Variants in RIMS2 observed in about 807,000 individuals in gnomAD.
RIMS2 encodes the protein regulating synaptic membrane exocytosis 2.
In RIMS2, 59 loss-of-function variants were observed where a neutral mutation model predicts 174.4. The ratio of observed to expected loss-of-function variants is 0.34; its 90% CI spans 0.27 to 0.42. The LOEUF is 0.42. RIMS2 is among the 10% of genes least tolerant of loss of function. RIMS2 has a pLI of 1.00. For synonymous variants in RIMS2, 606 were observed against 572.5 expected (o/e 1.06, Z -0.84); for missense variants, 1,620 against 1,666.3 (o/e 0.97, Z 0.48).
intron 19 of RIMS2, among the ~76,000 whole-genome samples, chr8:104,028,090 T>G (rs1245459827): frequency 6.6e-6 from 1 of 151,528 alleles, no homozygotes; most frequent in Non-Finnish European, 1.5e-5. Flanking sequence ...CCACTATGCC[T>G]GGCTAATTTT....
intron 19 of RIMS2, among the ~76,000 whole-genome samples, chr8:104,195,514 CTTT>C (rs34923122): frequency 2.2e-4 from 25 of 111,754 alleles, no homozygotes; most frequent in Admixed American, 1.7e-4. Flanking sequence ...ATTTTATCTC[CTTT>C]TTTTTTTTTT....
At chr8:104,100,499 C>T (rs554796217) in intron 19 of RIMS2, among the ~76,000 whole-genome samples, 4 of 152,116 alleles carry the variant, frequency 2.6e-5, no homozygotes, top group African/African-American at 9.6e-5. Flanking sequence ...ACCTCCTCTA[C>T]TATGTTGGGT....
At chr8:103,913,652 A>G (rs2076151098) in intron 6 of RIMS2, among the ~76,000 whole-genome samples, 2 of 152,132 alleles carry the variant, frequency 1.3e-5, no homozygotes, top group African/African-American at 4.8e-5. Context: ...CATGATGCCA[A>G]CATCTGCTTG....
At chr8:103,589,572 T>A (rs1410076113) in intron 1 of RIMS2, among the ~76,000 whole-genome samples, 1 of 151,638 alleles carries the variant, frequency 6.6e-6, no homozygotes, top group Non-Finnish European at 1.5e-5. Context: ...GTACACCCAC[T>A]GCTGGGTATA....
intron 3 of RIMS2, among the ~76,000 whole-genome samples, chr8:103,791,332 G>T (rs1016612008): frequency 1.5e-4 from 23 of 152,238 alleles, no homozygotes; most frequent in African/African-American, 5.5e-4. Flanking sequence ...AGCTTTTTAA[G>T]TGAATCAGAA....
At chr8:103,547,408 C>T (rs1025537633) in intron 1 of RIMS2, among the ~76,000 whole-genome samples, 26 of 152,256 alleles carry the variant, frequency 1.7e-4, no homozygotes, top group African/African-American at 5.5e-4. Context: ...TCCTGAATGA[C>T]TTTTGGCTAA....
intron 4 of RIMS2, among the ~76,000 whole-genome samples, chr8:103,890,664 G>T (rs1410425886): frequency 6.6e-6 from 1 of 151,780 alleles, no homozygotes; most frequent in Non-Finnish European, 1.5e-5. Flanking sequence ...ATTGCAAATT[G>T]ATTTTTTTTC....
chr8:104,248,963 C>T (rs574761677), intron 21 of RIMS2, 150 bp downstream of exon 27: 1 of 566,684 alleles, frequency 1.8e-6, no homozygotes, highest in East Asian at 2.9e-5. Flanking sequence ...GAGTTTCACT[C>T]TGTTGCCCAG....
At chr8:104,031,655 G>A (rs547740097) in intron 19 of RIMS2, among the ~76,000 whole-genome samples, 2 of 152,178 alleles carry the variant, frequency 1.3e-5, no homozygotes, top group Admixed American at 6.6e-5. Flanking sequence ...GATAAGCCCT[G>A]ATTATTATTT....
intron 1 of RIMS2, among the ~76,000 whole-genome samples, chr8:103,647,197 G>A (rs1250421319): frequency 6.6e-6 from 1 of 152,162 alleles, no homozygotes; most frequent in African/African-American, 2.4e-5. Flanking sequence ...TATCATGGTG[G>A]ATATGCTTTT....
At chr8:103,553,899 A>G (rs1262541061) in intron 1 of RIMS2, among the ~76,000 whole-genome samples, 1 of 152,162 alleles carries the variant, frequency 6.6e-6, no homozygotes, top group African/African-American at 2.4e-5. Context: ...ATAATGCTAC[A>G]CACCTATAAT....
At chr8:103,934,588 T>C in intron 12 of RIMS2, among the ~76,000 whole-genome samples, 1 of 152,190 alleles carries the variant, frequency 6.6e-6, no homozygotes, top group Non-Finnish European at 1.5e-5. Flanking sequence ...CTATCCAATA[T>C]AGAAATCCTG....
At chr8:104,003,890 A>AC (rs1220628140) in intron 17 of RIMS2, among the ~76,000 whole-genome samples, 1 of 152,196 alleles carries the variant, frequency 6.6e-6, no homozygotes, top group Admixed American at 6.5e-5. Context: ...CAAAAGAGAG[A>AC]CATGTAGTAG....
intron 1 of RIMS2, among the ~76,000 whole-genome samples, chr8:103,658,078 C>T (rs151108573): frequency 1.3e-5 from 2 of 152,276 alleles, no homozygotes; most frequent in African/African-American, 4.8e-5. Flanking sequence ...CTAATTTTTA[C>T]AAGACTGAAG....
At chr8:103,992,274 ATTTTTTTT>A (rs1186537194) in intron 17 of RIMS2, among the ~76,000 whole-genome samples, 19 of 107,072 alleles carry the variant, frequency 1.8e-4, no homozygotes, top group Non-Finnish European at 2.9e-4. Flanking sequence ...ATGTCCAGCT[ATTTTTTTT>A]TTTTTTTTTT....
At chr8:104,047,737 T>C (rs1168494984) in intron 19 of RIMS2, among the ~76,000 whole-genome samples, 2 of 152,184 alleles carry the variant, frequency 1.3e-5, no homozygotes, top group Admixed American at 6.5e-5. Flanking sequence ...TTCTTTGTTA[T>C]ATGCATTACA....
intron 13 of RIMS2, among the ~76,000 whole-genome samples, chr8:103,942,051 C>G (rs2082660200): frequency 6.6e-6 from 1 of 152,046 alleles, no homozygotes; most frequent in African/African-American, 2.4e-5. Context: ...CATGGGTAAA[C>G]ATGTTTCATG....
chr8:104,101,049 T>TG, intron 19 of RIMS2, among the ~76,000 whole-genome samples: 1 of 128,434 alleles, frequency 7.8e-6, no homozygotes, highest in Non-Finnish European at 1.6e-5. Flanking sequence ...ATATTATATA[T>TG]TACATATGTA....
At position 104,140,946 on chromosome 8, in the gene RIMS2, A is replaced by G. The variant is rs577701903; in HGVS notation, c.3335-103970A>G. 3.9e-5 allele frequency among the ~76,000 whole-genome samples: 6 copies of G among 152,350 alleles called. No homozygotes were observed. The South Asian group carries it at 1.2e-3, about 32-fold the overall frequency. On this transcript the variant is annotated intron_variant, in intron 19 of 23. Coordinates refer to ENST00000504942, the Ensembl canonical transcript of RIMS2. Reference sequence around the variant, plus strand: ...AAGAGATACAGTTTTTGTAAGATACATGTTATAATGAAGACATTTTAAAAA... The same window carrying G: ...AAGAGATACAGTTTTTGTAAGATACGTGTTATAATGAAGACATTTTAAAAA...
Sources: allele counts gnomAD v4.1 joint callset (sites outside exome capture counted in the v4.1 genomes callset), GRCh38; gene constraint gnomAD v4.1.1; transcripts MANE v1.5; gene names NCBI Gene and HGNC (gene_info 2026-07-23, HGNC 2026-07-21).